BLTP3A: variants seen among roughly 807,000 people sequenced by gnomAD.
BLTP3A encodes ICBP90 binding protein 1.
the BLTP3A span, among the ~76,000 whole-genome samples, chr6:34,866,272 CG>C: frequency 6.6e-6 from 1 of 152,050 alleles, no homozygotes; most frequent in Admixed American, 6.6e-5. Context: ...GGGATGGTGG[CG>C]TGCGCCTGTA....
At chr6:34,834,606 A>G in the BLTP3A span, 23 of 1,421,694 alleles carry the variant, frequency 1.6e-5, no homozygotes, top group Middle Eastern at 4.4e-4. Flanking sequence ...TCTTGGTGGG[A>G]TCCCAACTGA....
At chr6:34,809,564 C>CGTTT in the BLTP3A span, among the ~76,000 whole-genome samples, 2 of 151,782 alleles carry the variant, frequency 1.3e-5, no homozygotes, top group Non-Finnish European at 2.9e-5. Flanking sequence ...TTTTTTTGTT[C>CGTTT]GTTTGTTTGT....
At chr6:34,856,167 C>A in the BLTP3A span, 2 of 1,543,134 alleles carry the variant, frequency 1.3e-6, no homozygotes, top group Non-Finnish European at 8.8e-7. Flanking sequence ...TATGACTATA[C>A]TGACAGAAAG....
At chr6:34,856,122 T>A in the BLTP3A span, 1 of 1,343,950 alleles carries the variant, frequency 7.4e-7, no homozygotes. Context: ...ATCCTAGAGA[T>A]TTCTGCACTG....
chr6:34,816,339 T>C, the BLTP3A span, among the ~76,000 whole-genome samples: 1 of 152,060 alleles, frequency 6.6e-6, no homozygotes, highest in Non-Finnish European at 1.5e-5. Context: ...GCACAGTGGC[T>C]CACATCTGTA....
the BLTP3A span, among the ~76,000 whole-genome samples, chr6:34,798,316 G>T: frequency 4.8e-3 from 730 of 152,264 alleles, 8 homozygotes; most frequent in African/African-American, 0.012. Context: ...CTGGATACCA[G>T]TTTAGGGCCG....
chr6:34,805,268 G>A, the BLTP3A span, among the ~76,000 whole-genome samples: 1 of 151,132 alleles, frequency 6.6e-6, no homozygotes, highest in Non-Finnish European at 1.5e-5. Flanking sequence ...GCGACAGAGT[G>A]AGATCATGAC....
chr6:34,852,096 G>A, the BLTP3A span, among the ~76,000 whole-genome samples: 1 of 151,952 alleles, frequency 6.6e-6, no homozygotes. Context: ...GACCCCAGGA[G>A]CCTGCTTTGT....
the BLTP3A span, among the ~76,000 whole-genome samples, chr6:34,832,609 A>G: frequency 6.6e-6 from 1 of 151,368 alleles, no homozygotes; most frequent in East Asian, 1.9e-4. Context: ...GCTAATTTTT[A>G]AATTTTTTTG....
chr6:34,838,051 C>T, the BLTP3A span, among the ~76,000 whole-genome samples: 1 of 152,332 alleles, frequency 6.6e-6, no homozygotes, highest in South Asian at 2.1e-4. Flanking sequence ...ACTGTAGCTT[C>T]ACCGTTCATT....
chr6:34,799,053 T>C, the BLTP3A span, among the ~76,000 whole-genome samples: 1 of 152,092 alleles, frequency 6.6e-6, no homozygotes, highest in Non-Finnish European at 1.5e-5. Context: ...GTGATCCTCC[T>C]GCCTCAGCCT....
At chr6:34,793,721 T>C in the BLTP3A span, among the ~76,000 whole-genome samples, 1 of 152,118 alleles carries the variant, frequency 6.6e-6, no homozygotes, top group Admixed American at 6.5e-5. Flanking sequence ...TGTAAAGATA[T>C]AATAGTATTT....
At chr6:34,868,680 C>T in the BLTP3A span, among the ~76,000 whole-genome samples, 3 of 150,158 alleles carry the variant, frequency 2.0e-5, no homozygotes, top group African/African-American at 4.9e-5. Context: ...GCCGAGATCG[C>T]GCCCTTGTAC....
At chr6:34,805,879 T>G in the BLTP3A span, among the ~76,000 whole-genome samples, 4 of 152,156 alleles carry the variant, frequency 2.6e-5, no homozygotes, top group Non-Finnish European at 5.9e-5. Flanking sequence ...TTCCTGGATA[T>G]TAATTTTATT....
the BLTP3A span, chr6:34,857,788 G>A: frequency 1.4e-5 from 23 of 1,614,118 alleles, no homozygotes; most frequent in Non-Finnish European, 1.8e-5. Flanking sequence ...CTGTCAGTTT[G>A]CTCTGGGGAA....
At chr6:34,834,860 GAGTA>G in the BLTP3A span, 2 of 1,612,634 alleles carry the variant, frequency 1.2e-6, no homozygotes, top group South Asian at 1.1e-5. Context: ...CTCAAAAGAA[GAGTA>G]AGTGTGTTCT....
chr6:34,817,095 T>C, the BLTP3A span, among the ~76,000 whole-genome samples: 1 of 152,256 alleles, frequency 6.6e-6, no homozygotes, highest in Admixed American at 6.5e-5. Context: ...GACTACTGTC[T>C]CCTCAGAGTC....
the BLTP3A span, chr6:34,835,152 A>C: frequency 3.1e-6 from 3 of 962,184 alleles, no homozygotes; most frequent in African/African-American, 4.9e-5. Context: ...GTAGTTTTAT[A>C]AGAAATTGTC....
the BLTP3A span, chr6:34,836,486 G>C: frequency 3.9e-6 from 3 of 769,372 alleles, no homozygotes; most frequent in Non-Finnish European, 6.2e-6. Flanking sequence ...GGCATTCCTT[G>C]GGCCTCAGCC....
Sources: allele counts gnomAD v4.1 joint callset (sites outside exome capture counted in the v4.1 genomes callset), GRCh38; gene constraint gnomAD v4.1.1; transcripts MANE v1.5; gene names NCBI Gene and HGNC (gene_info 2026-07-23, HGNC 2026-07-21).